PBRM1: variants seen among roughly 807,000 people sequenced by gnomAD.
PBRM1 encodes the protein polybromo 1, also known as protein polybromo-1.
PBRM1 carries 27 observed loss-of-function variants against 194.5 expected under a neutral mutation model. The observed-to-expected ratio is 0.14, with a 90% CI of 0.10 to 0.19. PBRM1 has a LOEUF of 0.19. PBRM1 is among the 10% of genes least tolerant of loss of function. The pLI, the probability that PBRM1 is intolerant of heterozygous loss-of-function variation, is 1.00. For missense variants in PBRM1, 1,466 were observed against 2,077.2 expected (o/e 0.71, Z 5.72); for synonymous variants, 655 against 693.2 (o/e 0.94, Z 0.87).
chr3:52,604,686 C>T (rs1576563450), intron 16 of PBRM1, among the ~76,000 whole-genome samples: 1 of 151,450 alleles, frequency 6.6e-6, no homozygotes, highest in African/African-American at 2.4e-5. Context: ...AGAGCAAGAC[C>T]CTGTCTGTTA....
At chr3:52,590,811 T>G (rs1447069658) in intron 17 of PBRM1, among the ~76,000 whole-genome samples, 1 of 152,174 alleles carries the variant, frequency 6.6e-6, no homozygotes, top group Non-Finnish European at 1.5e-5. Context: ...ATGTCATTGG[T>G]AATTTCATAC....
chr3:52,567,828 T>C (rs2085818981), intron 22 of PBRM1, among the ~76,000 whole-genome samples: 1 of 144,610 alleles, frequency 6.9e-6, no homozygotes, highest in Non-Finnish European at 1.5e-5. Flanking sequence ...TTTTTTTTTT[T>C]AGTAGAAATG....
chr3:52,623,823 TG>T (rs2095357935), intron 13 of PBRM1, among the ~76,000 whole-genome samples: 1 of 152,202 alleles, frequency 6.6e-6, no homozygotes, highest in African/African-American at 2.4e-5. Context: ...AACTCAGGGT[TG>T]TAACACTACC....
rs535312142 is a variant in PBRM1 at position 52,656,386 on chromosome 3, G to A, written c.645+1813C>T. 3.3e-5 allele frequency among the ~76,000 whole-genome samples: 5 copies of A among 152,286 alleles called. No homozygotes were observed. The South Asian group carries it at 6.2e-4, about 19-fold the overall frequency. On this transcript the variant is annotated intron_variant, in intron 5 of 29. Transcript: ENST00000296302. Reference sequence around the variant, plus strand: ...CTCTTAAAAATGCAAGGTTTAGGCCGGGTGTAGTAGCTCATGTCTGTAATC... The same window carrying A: ...CTCTTAAAAATGCAAGGTTTAGGCCAGGTGTAGTAGCTCATGTCTGTAATC...
At chr3:52,618,141 C>T (rs1055353108) in intron 13 of PBRM1, among the ~76,000 whole-genome samples, 1 of 152,188 alleles carries the variant, frequency 6.6e-6, no homozygotes, top group African/African-American at 2.4e-5. Context: ...CAGCATTATT[C>T]CACAGTTCCA....
chr3:52,581,289 C>A (rs1340441563), intron 20 of PBRM1, among the ~76,000 whole-genome samples: 2 of 152,164 alleles, frequency 1.3e-5, no homozygotes, highest in Non-Finnish European at 2.9e-5. Flanking sequence ...GCAGGCGGAT[C>A]ACTTGAGGCC....
intron 10 of PBRM1, among the ~76,000 whole-genome samples, chr3:52,641,683 TACTC>T (rs1193071708): frequency 2.0e-5 from 3 of 152,148 alleles, no homozygotes; most frequent in Non-Finnish European, 2.9e-5. Flanking sequence ...CTTTTACTAG[TACTC>T]ACTATTTATC....
chr3:52,613,875 T>C (rs1258935711), intron 15 of PBRM1, among the ~76,000 whole-genome samples: 1 of 151,996 alleles, frequency 6.6e-6, no homozygotes, highest in African/African-American at 2.4e-5. Context: ...GAAATTAACA[T>C]CCCACATAAA....
chr3:52,633,898 T>C (rs1287893595), intron 11 of PBRM1, among the ~76,000 whole-genome samples: 1 of 152,146 alleles, frequency 6.6e-6, no homozygotes, highest in South Asian at 2.1e-4. Context: ...AATGACACTA[T>C]TGTGATTTAA....
At chr3:52,607,438 T>C (rs141867923) in intron 16 of PBRM1, among the ~76,000 whole-genome samples, 1 of 152,108 alleles carries the variant, frequency 6.6e-6, no homozygotes, top group Non-Finnish European at 1.5e-5. Flanking sequence ...ATGTCAACAA[T>C]GGGAGAATGA....
chr3:52,554,749 A>G (rs1481339044), exon 27 of PBRM1: 1 of 1,566,386 alleles, frequency 6.4e-7, no homozygotes, highest in South Asian at 1.2e-5. Context: ...CCGGGAGGCC[A>G]GGCACACCTG....
upstream of PBRM1, among the ~76,000 whole-genome samples, chr3:52,684,106 T>A (rs2097264928): frequency 7.0e-6 from 1 of 143,450 alleles, no homozygotes; most frequent in African/African-American, 2.6e-5. Flanking sequence ...AGCACAAGGC[T>A]TCAGTGAGCC....
intron 10 of PBRM1, among the ~76,000 whole-genome samples, chr3:52,636,947 T>C (rs1319569668): frequency 2.0e-5 from 3 of 151,578 alleles, no homozygotes; most frequent in East Asian, 3.9e-4. Context: ...AAGATGGGTA[T>C]TATTTCTTTT....
At chr3:52,582,652 T>G (rs1162700106) in intron 20 of PBRM1, among the ~76,000 whole-genome samples, 1 of 152,036 alleles carries the variant, frequency 6.6e-6, no homozygotes, top group Non-Finnish European at 1.5e-5. Context: ...TAAAAGAAAT[T>G]ATTTTATGAT....
At chr3:52,582,241 C>CAA (rs71084194) in intron 20 of PBRM1, among the ~76,000 whole-genome samples, 7,583 of 91,096 alleles carry the variant, frequency 0.083, 672 homozygotes, top group African/African-American at 0.23. Context: ...GACTCCGTTT[C>CAA]AAAAAAAAAA....
chr3:52,549,671 G>A (rs1200001237), intron 29 of PBRM1, among the ~76,000 whole-genome samples: 1 of 152,124 alleles, frequency 6.6e-6, no homozygotes, highest in Non-Finnish European at 1.5e-5. Context: ...TTGGGAGGCT[G>A]AGGTGAATAG....
chr3:52,661,996 G>T (rs1005548474), intron 4 of PBRM1, 137 bp downstream of exon 5: 8 of 814,482 alleles, frequency 9.8e-6, no homozygotes, highest in East Asian at 5.2e-5. Flanking sequence ...CTGGCTGAAT[G>T]TCCTTTTATC....
chr3:52,577,687 C>G (rs1165355279), intron 21 of PBRM1, among the ~76,000 whole-genome samples: 1 of 152,150 alleles, frequency 6.6e-6, no homozygotes, highest in African/African-American at 2.4e-5. Context: ...ATCAAGAATA[C>G]TATTAATTTG....
chr3:52,559,846 TAA>T (rs34203062), intron 25 of PBRM1, among the ~76,000 whole-genome samples: 30 of 125,092 alleles, frequency 2.4e-4, no homozygotes, highest in African/African-American at 2.6e-4. Context: ...GAGCTAGCAG[TAA>T]AAAAAAAAAA....
Sources: gnomAD v4.1 joint callset for allele counts (sites outside exome capture counted in the v4.1 genomes callset) on GRCh38, gnomAD v4.1.1 for gene constraint, MANE v1.5 for transcripts, NCBI Gene and HGNC (gene_info 2026-07-23, HGNC 2026-07-21) for gene names.